The following RORA variants were observed in gnomAD, a reference collection of about 807,000 sequenced individuals.
RORA encodes the protein RAR related orphan receptor A, also known as nuclear receptor ROR-alpha.
RORA carries 7 observed loss-of-function variants against 69.5 expected under a neutral mutation model. The observed-to-expected ratio is 0.10, with a 90% CI of 0.06 to 0.19. The LOEUF is 0.19. Ranked by LOEUF, RORA falls within the 10% of genes least tolerant of loss-of-function variation. The pLI is 1.00. For synonymous variants in RORA, 261 were observed against 240.8 expected (o/e 1.08, Z -0.78); for missense variants, 457 against 663.0 (o/e 0.69, Z 3.41).
chr15:61,089,341 A>C (rs2078671312), intron 1 of RORA, among the ~76,000 whole-genome samples: 1 of 152,202 alleles, frequency 6.6e-6, no homozygotes, highest in South Asian at 2.1e-4. Context: ...AAGAACAGAG[A>C]CCTTGCTAAC....
intron 4 of RORA, among the ~76,000 whole-genome samples, chr15:60,513,159 G>C (rs955636698): frequency 2.0e-5 from 3 of 152,216 alleles, no homozygotes; most frequent in African/African-American, 7.2e-5. Context: ...CAGGTGAGCT[G>C]GAATACTGGT....
At chr15:60,639,752 G>A (rs2069907941) in intron 2 of RORA, among the ~76,000 whole-genome samples, 1 of 152,182 alleles carries the variant, frequency 6.6e-6, no homozygotes, top group South Asian at 2.1e-4. Flanking sequence ...GAGCTGAGCC[G>A]ACCCTGACTC....
Position 60,674,297 on chromosome 15 carries a change from G to GA in RORA, c.196+4359dup, listed in dbSNP as rs538269105. ...TAAAAAAGTATGGCCTCAAGGATAGGAAAAAAAATGAGAAAATAAGGTTAT... is the reference window on the plus strand; with the variant it reads ...TAAAAAAGTATGGCCTCAAGGATAGGAAAAAAAAATGAGAAAATAAGGTTAT... On this transcript the variant is annotated intron_variant, in intron 2 of 10. Transcript: ENST00000335670. 9.2e-5 allele frequency among the ~76,000 whole-genome samples: 14 copies of GA among 151,816 alleles called. No homozygotes were observed. The East Asian group carries it at 1.2e-3, about 13-fold the overall frequency.
chr15:61,047,135 T>G lies in RORA; in HGVS notation c.166+181918A>C, dbSNP rs1897070236. Among the ~76,000 whole-genome samples, 4 of 152,224 alleles carry G rather than the reference T, an allele frequency of 2.6e-5. No individual in the cohort carries two copies. In the South Asian group the frequency reaches 6.2e-4, roughly 24 times the overall value. On this transcript the variant is annotated intron_variant, in intron 1 of 10. Coordinates refer to ENST00000335670, the MANE Select transcript of RORA (RefSeq NM_134261.3). ...GAAGGGGTCTGGGTCTCTGGCATGC[T>G]GAGCGGCCTTCAAAACCACAGAGGG...
chr15:60,503,075 C>T (rs1261909607), intron 7 of RORA, among the ~76,000 whole-genome samples: 1 of 152,134 alleles, frequency 6.6e-6, no homozygotes, highest in Admixed American at 6.5e-5. Flanking sequence ...GAAGCTAAGC[C>T]CTGTTTAACT....
At chr15:60,497,759 T>C (rs1170283392) in intron 10 of RORA, 140 bp from the exon 11 acceptor site, 7 of 707,746 alleles carry the variant, frequency 9.9e-6, no homozygotes, top group African/African-American at 5.4e-5. Flanking sequence ...TAGCAGAGGA[T>C]TGGTAAAAAT....
intron 1 of RORA, among the ~76,000 whole-genome samples, chr15:60,814,682 C>T (rs1327741654): frequency 6.6e-6 from 1 of 152,170 alleles, no homozygotes; most frequent in East Asian, 1.9e-4. Context: ...AAAATAGTGG[C>T]CTCTCTGTCC....
chr15:60,545,418 A>G (rs1435700357), intron 2 of RORA, among the ~76,000 whole-genome samples: 1 of 152,216 alleles, frequency 6.6e-6, no homozygotes, highest in Non-Finnish European at 1.5e-5. Context: ...CCACGCTTCA[A>G]AATAAACCAT....
At chr15:61,220,750 C>T (rs1230962224) in intron 1 of RORA, among the ~76,000 whole-genome samples, 1 of 152,188 alleles carries the variant, frequency 6.6e-6, no homozygotes, top group Non-Finnish European at 1.5e-5. Context: ...TTGGCATTCT[C>T]GACAAGTTCG....
intron 1 of RORA, among the ~76,000 whole-genome samples, chr15:61,049,541 T>C (rs1437335473): frequency 6.6e-6 from 1 of 152,196 alleles, no homozygotes; most frequent in Admixed American, 6.5e-5. Context: ...ACTGGTAGCA[T>C]GAGGAGTACC....
chr15:61,225,627 T>C (rs2080138846), intron 1 of RORA, among the ~76,000 whole-genome samples: 1 of 152,208 alleles, frequency 6.6e-6, no homozygotes, highest in Non-Finnish European at 1.5e-5. Flanking sequence ...CCTAAAAGCC[T>C]TCAACCTTCA....
At chr15:61,007,730 T>C (rs546126386) in intron 1 of RORA, among the ~76,000 whole-genome samples, 29 of 148,668 alleles carry the variant, frequency 2.0e-4, no homozygotes, top group Non-Finnish European at 3.4e-4. Context: ...ATATTATATA[T>C]TTTATATAAC....
intron 1 of RORA, among the ~76,000 whole-genome samples, chr15:61,191,721 A>G (rs572231452): frequency 7.2e-5 from 11 of 152,238 alleles, no homozygotes; most frequent in Non-Finnish European, 1.2e-4. Flanking sequence ...ATAGTAATCC[A>G]AGGACAACTC....
At chr15:60,594,889 C>A (rs1184299408) in intron 2 of RORA, among the ~76,000 whole-genome samples, 1 of 152,240 alleles carries the variant, frequency 6.6e-6, no homozygotes, top group Non-Finnish European at 1.5e-5. Flanking sequence ...AACAGAATTT[C>A]AGATATGAAG....
intron 1 of RORA, among the ~76,000 whole-genome samples, chr15:60,700,199 ACT>A (rs377753387): frequency 4.0e-4 from 61 of 152,112 alleles, no homozygotes; most frequent in African/African-American, 1.5e-3. Flanking sequence ...ACAATTTACC[ACT>A]CTATTCAAAA....
At position 61,005,707 on chromosome 15, in the gene RORA, A is replaced by T. The variant is rs897847490; in HGVS notation, c.166+223346T>A. Among the ~76,000 whole-genome samples the T allele has an allele frequency of 8.5e-5, 13 of 152,316 alleles. No homozygotes were observed. The East Asian group carries it at 2.3e-3, about 27-fold the overall frequency. On this transcript the variant is annotated intron_variant, in intron 1 of 10. Transcript: ENST00000335670. ...CATTACTTAACACTCACAACAACACAATAAAGTATACACTATTATTGTGGC... is the reference window on the plus strand; with the variant it reads ...CATTACTTAACACTCACAACAACACTATAAAGTATACACTATTATTGTGGC...
At chr15:60,940,846 G>A (rs993753964) in intron 1 of RORA, among the ~76,000 whole-genome samples, 11 of 152,274 alleles carry the variant, frequency 7.2e-5, no homozygotes, top group African/African-American at 2.6e-4. Flanking sequence ...GGAATTGTTT[G>A]AACTCGGGAG....
intron 1 of RORA, among the ~76,000 whole-genome samples, 171 bp from the exon 2 acceptor site, chr15:60,678,857 C>G (rs1328483475): frequency 6.6e-6 from 1 of 152,186 alleles, no homozygotes; most frequent in Non-Finnish European, 1.5e-5. Context: ...CAAAGGCATG[C>G]AACCGTGACT....
chr15:60,811,010 A>G (rs977509774), intron 1 of RORA, among the ~76,000 whole-genome samples: 4 of 152,178 alleles, frequency 2.6e-5, no homozygotes, highest in African/African-American at 9.7e-5. Flanking sequence ...GTTGCTGCTT[A>G]GAGATAAACA....
Sources: gnomAD v4.1 joint callset for allele counts (sites outside exome capture counted in the v4.1 genomes callset) on GRCh38, gnomAD v4.1.1 for gene constraint, MANE v1.5 for transcripts, NCBI Gene and HGNC (gene_info 2026-07-23, HGNC 2026-07-21) for gene names.